Variants in RHOBTB1 observed in about 807,000 individuals in gnomAD.
The protein encoded by RHOBTB1 is rho-related BTB domain-containing protein 1.
A neutral mutation model predicts 71.6 loss-of-function variants in RHOBTB1; 40 were observed. That is an observed-to-expected ratio of 0.56 (90% CI 0.43 to 0.73). RHOBTB1 has a LOEUF of 0.73. RHOBTB1 is among the 30% of genes least tolerant of loss of function. The pLI is 0.00. For synonymous variants in RHOBTB1, 319 were observed against 334.9 expected (o/e 0.95, Z 0.52); for missense variants, 797 against 894.0 (o/e 0.89, Z 1.38).
chr10:60,860,990 T>C, the RHOBTB1 span, among the ~76,000 whole-genome samples: 97 of 152,300 alleles, frequency 6.4e-4, no homozygotes, highest in African/African-American at 1.9e-3. Flanking sequence ...CCTAGATGAA[T>C]TGAAATTATT....
intron 2 of RHOBTB1, among the ~76,000 whole-genome samples, chr10:60,916,339 T>C (rs985911677): frequency 6.6e-6 from 1 of 152,202 alleles, no homozygotes; most frequent in Non-Finnish European, 1.5e-5. Flanking sequence ...TGCTGGATAA[T>C]GCAAAGCCAT....
intron 5 of RHOBTB1, among the ~76,000 whole-genome samples, chr10:60,890,046 G>A (rs1339985018): frequency 6.6e-6 from 1 of 152,152 alleles, no homozygotes; most frequent in African/African-American, 2.4e-5. Flanking sequence ...TCTACATTCT[G>A]AGGAAACTGA....
intron 2 of RHOBTB1, among the ~76,000 whole-genome samples, chr10:60,934,614 T>C (rs537550246): frequency 6.6e-6 from 1 of 152,346 alleles, no homozygotes; most frequent in South Asian, 2.1e-4. Context: ...TTGTTGACTT[T>C]TGTTTGATAT....
At chr10:60,882,834 G>A (rs1347275293) in intron 7 of RHOBTB1, among the ~76,000 whole-genome samples, 3 of 152,072 alleles carry the variant, frequency 2.0e-5, no homozygotes, top group Non-Finnish European at 2.9e-5. Context: ...AGAGCTTTCC[G>A]GGGACAAATA....
At chr10:60,958,657 A>T (rs2085676168) in intron 2 of RHOBTB1, among the ~76,000 whole-genome samples, 1 of 152,124 alleles carries the variant, frequency 6.6e-6, no homozygotes, top group Non-Finnish European at 1.5e-5. Context: ...ATGCTGGAGT[A>T]CAGAGGCATG....
intron 2 of RHOBTB1, among the ~76,000 whole-genome samples, chr10:60,956,579 CA>C (rs1162859534): frequency 6.6e-6 from 1 of 151,824 alleles, no homozygotes; most frequent in African/African-American, 2.4e-5. Context: ...TTTAGCTGTA[CA>C]AAAATATCTT....
At chr10:60,882,331 C>T (rs758505005) in intron 7 of RHOBTB1, among the ~76,000 whole-genome samples, 1 of 151,966 alleles carries the variant, frequency 6.6e-6, no homozygotes. Flanking sequence ...TAATTAGAGG[C>T]AGTCTCATAG....
In RHOBTB1 at chr10:60,871,456, GT is replaced by G. The variant is rs771764878; in HGVS notation, c.*25del. The G allele has an allele frequency of 3.7e-6, 6 of 1,607,782 alleles. No individual in the cohort carries two copies. Among genetic ancestry groups the G allele is most frequent in the Non-Finnish European group, 5.1e-6 (6 of 1,177,220 alleles). On this transcript the variant is annotated 3_prime_UTR_variant, in exon 11 of 11. Coordinates refer to ENST00000337910, the MANE Select transcript of RHOBTB1 (RefSeq NM_014836.5). ...TGGATCAGATTACCGATTGGTTTCT[GT>G]TTTTTGTTTTTTTTCTCTTCCTCTT...
intron 7 of RHOBTB1, 66 bp from the exon 8 acceptor site, chr10:60,878,124 A>G: frequency 7.7e-7 from 1 of 1,296,384 alleles, no homozygotes; most frequent in East Asian, 2.3e-5. Context: ...TTTTCAGGCT[A>G]TGCTGCTTAT....
At chr10:60,925,655 T>C (rs2083831478) in intron 2 of RHOBTB1, among the ~76,000 whole-genome samples, 1 of 151,460 alleles carries the variant, frequency 6.6e-6, no homozygotes, top group South Asian at 2.1e-4. Context: ...ATAAGTAAAA[T>C]GGACAAATCT....
chr10:60,999,440 G>A (rs2087178872), intron 1 of RHOBTB1, among the ~76,000 whole-genome samples: 1 of 152,226 alleles, frequency 6.6e-6, no homozygotes, highest in Non-Finnish European at 1.5e-5. Flanking sequence ...ACTCTAGGAT[G>A]TCGGTAAACA....
At chr10:60,939,738 G>A (rs1246890171) in intron 2 of RHOBTB1, among the ~76,000 whole-genome samples, 1 of 152,174 alleles carries the variant, frequency 6.6e-6, no homozygotes, top group Non-Finnish European at 1.5e-5. Flanking sequence ...CCAAGCGACA[G>A]TTTTAAACAT....
chr10:60,880,078 G>T (rs141425241), intron 7 of RHOBTB1, among the ~76,000 whole-genome samples: 1 of 151,992 alleles, frequency 6.6e-6, no homozygotes, highest in Admixed American at 6.6e-5. Flanking sequence ...ATGCAAATAC[G>T]ATGCCATTTT....
chr10:60,922,494 A>C (rs1287042129), intron 2 of RHOBTB1, among the ~76,000 whole-genome samples: 1 of 152,258 alleles, frequency 6.6e-6, no homozygotes, highest in East Asian at 1.9e-4. Context: ...CGCCAAATTC[A>C]CTTCCATGGA....
intron 2 of RHOBTB1, among the ~76,000 whole-genome samples, chr10:60,973,033 G>A: frequency 6.6e-6 from 1 of 151,876 alleles, no homozygotes; most frequent in East Asian, 1.9e-4. Context: ...CTAATGCCGG[G>A]GCAACAAAGG....
intron 2 of RHOBTB1, among the ~76,000 whole-genome samples, chr10:60,940,456 G>C (rs932977655): frequency 6.6e-6 from 1 of 152,168 alleles, no homozygotes; most frequent in African/African-American, 2.4e-5. Flanking sequence ...CAGGACTTTG[G>C]TTAGGATTTA....
Position 60,871,713 on chromosome 10 carries a change from G to A in RHOBTB1, c.1922-62C>T, listed in dbSNP as rs992622269. The A allele has an allele frequency of 6.7e-6, 10 of 1,483,574 alleles. No homozygotes were observed. In the African/African-American group the frequency reaches 1.3e-4, roughly 19 times the overall value. 91.9% of individuals were successfully genotyped at this position (1,483,574 alleles called of 1,614,324 possible). ...TTCATTGATGCCTTTTATGTGCTAG[G>A]CCTTGAGCTTAAAGCTTCTCAAATA... is the stretch of plus-strand genomic sequence containing the variant. On this transcript the variant is annotated intron_variant, in intron 10 of 10. Transcript: ENST00000337910.
the RHOBTB1 span, among the ~76,000 whole-genome samples, chr10:60,863,182 T>C: frequency 6.6e-6 from 1 of 152,258 alleles, no homozygotes; most frequent in African/African-American, 2.4e-5. Context: ...TTCATTTAGG[T>C]TCAAGTAAAT....
At chr10:60,878,728 G>T (rs2081167492) in intron 7 of RHOBTB1, among the ~76,000 whole-genome samples, 1 of 152,192 alleles carries the variant, frequency 6.6e-6, no homozygotes, top group African/African-American at 2.4e-5. Context: ...GTCCCTTGTA[G>T]GATTCCCACA....
Sources: allele counts gnomAD v4.1 joint callset (sites outside exome capture counted in the v4.1 genomes callset), GRCh38; gene constraint gnomAD v4.1.1; transcripts MANE v1.5; gene names NCBI Gene and HGNC (gene_info 2026-07-23, HGNC 2026-07-21).